The following SPATA31H1 variants were observed in gnomAD, a reference collection of about 807,000 sequenced individuals.
SPATA31H1 encodes the protein SPATA31 subfamily H member 1, also known as spermatogenesis-associated protein 31H1.
chr2:27,580,626 C>G, the SPATA31H1 span: 1 of 1,614,206 alleles, frequency 6.2e-7, no homozygotes. Flanking sequence ...GTTCATGCAA[C>G]TGCTTTTTCA....
chr2:27,566,265 A>G, the SPATA31H1 span: 1 of 714,072 alleles, frequency 1.4e-6, no homozygotes, highest in South Asian at 1.5e-5. Context: ...CTTCAATTAC[A>G]TTGACATACA....
the SPATA31H1 span, chr2:27,572,642 C>T: frequency 1.3e-5 from 5 of 397,836 alleles, no homozygotes; most frequent in Non-Finnish European, 2.2e-5. Context: ...TGGAGTTAAA[C>T]CAAGACTCAC....
At chr2:27,542,062 C>T in the SPATA31H1 span, among the ~76,000 whole-genome samples, 1 of 151,936 alleles carries the variant, frequency 6.6e-6, no homozygotes, top group African/African-American at 2.4e-5. Context: ...CATGAGCCAC[C>T]ACACCCGACC....
the SPATA31H1 span, among the ~76,000 whole-genome samples, chr2:27,562,112 T>C: frequency 2.0e-5 from 3 of 152,216 alleles, no homozygotes; most frequent in Non-Finnish European, 2.9e-5. Context: ...ATCTGTTCCA[T>C]TGGTCTATGT....
chr2:27,567,412 A>G, the SPATA31H1 span: 1 of 467,138 alleles, frequency 2.1e-6, no homozygotes, highest in South Asian at 5.8e-5. Flanking sequence ...GAGAAACCCC[A>G]AACTCAGTTA....
chr2:27,581,438 TCA>T, the SPATA31H1 span: 2 of 1,613,504 alleles, frequency 1.2e-6, no homozygotes, highest in Non-Finnish European at 1.7e-6. Flanking sequence ...AGAGGAGCTG[TCA>T]CAGTCTCTCT....
the SPATA31H1 span, among the ~76,000 whole-genome samples, chr2:27,539,271 C>A: frequency 6.5e-4 from 96 of 146,828 alleles, no homozygotes; most frequent in East Asian, 3.9e-3. Flanking sequence ...CGGCCTTCCG[C>A]AGTGTTTGTG....
At chr2:27,580,726 G>T in the SPATA31H1 span, 344 of 1,614,144 alleles carry the variant, frequency 2.1e-4, 2 homozygotes, top group East Asian at 7.5e-3. Flanking sequence ...GACAATTTGT[G>T]GGCAAGCAAA....
At chr2:27,578,797 G>A in the SPATA31H1 span, 1 of 1,613,984 alleles carries the variant, frequency 6.2e-7, no homozygotes, top group African/African-American at 1.3e-5. Context: ...CTCATTTCAA[G>A]CTCTGTCAGA....
the SPATA31H1 span, chr2:27,573,028 C>T: frequency 1.0e-5 from 4 of 398,194 alleles, no homozygotes; most frequent in African/African-American, 8.2e-5. Context: ...ATATCAGGAC[C>T]TGAGTTCCAA....
chr2:27,566,751 C>A, the SPATA31H1 span: 1 of 692,546 alleles, frequency 1.4e-6, no homozygotes, highest in Non-Finnish European at 2.7e-6. Context: ...GCTTGTGGAA[C>A]AGGATTTGCC....
chr2:27,552,472 C>G, the SPATA31H1 span, among the ~76,000 whole-genome samples: 1 of 152,038 alleles, frequency 6.6e-6, no homozygotes, highest in Admixed American at 6.6e-5. Flanking sequence ...ATGCCAGTAC[C>G]ACACTGTTTT....
chr2:27,569,238 G>A, the SPATA31H1 span: 1 of 398,958 alleles, frequency 2.5e-6, no homozygotes, highest in Non-Finnish European at 4.4e-6. Flanking sequence ...ATCAGAGGGG[G>A]TGACCACAGA....
chr2:27,563,884 A>AT, the SPATA31H1 span, among the ~76,000 whole-genome samples: 3 of 151,226 alleles, frequency 2.0e-5, no homozygotes, highest in African/African-American at 7.3e-5. Flanking sequence ...TTTTAAAATT[A>AT]TTTTTTATTT....
At chr2:27,576,928 CT>C in the SPATA31H1 span, 1 of 1,614,074 alleles carries the variant, frequency 6.2e-7, no homozygotes, top group Non-Finnish European at 8.5e-7. Flanking sequence ...ATGGAATCCT[CT>C]GAACTAATCC....
the SPATA31H1 span, among the ~76,000 whole-genome samples, chr2:27,557,637 C>CA: frequency 1.3e-4 from 1 of 7,530 alleles, no homozygotes; most frequent in Non-Finnish European, 2.6e-4. Flanking sequence ...GGCTGGCCGA[C>CA]CCCCCCCCCC....
At chr2:27,580,733 CA>C in the SPATA31H1 span, 1 of 1,614,160 alleles carries the variant, frequency 6.2e-7, no homozygotes, top group Non-Finnish European at 8.5e-7. Context: ...TGTGGGCAAG[CA>C]AAAACTATTA....
chr2:27,566,817 A>G, the SPATA31H1 span: 1 of 717,724 alleles, frequency 1.4e-6, no homozygotes, highest in South Asian at 1.5e-5. Context: ...GGCTCAGAAG[A>G]CTGTTCTATG....
At chr2:27,563,326 A>G in the SPATA31H1 span, among the ~76,000 whole-genome samples, 23 of 139,122 alleles carry the variant, frequency 1.7e-4, no homozygotes, top group African/African-American at 5.8e-4. Flanking sequence ...ATTTTATCAG[A>G]GTTTTCATAT....
Sources: allele counts gnomAD v4.1 joint callset (sites outside exome capture counted in the v4.1 genomes callset), GRCh38; gene constraint gnomAD v4.1.1; transcripts MANE v1.5; gene names NCBI Gene and HGNC (gene_info 2026-07-23, HGNC 2026-07-21).